MAL2: variants seen among roughly 807,000 people sequenced by gnomAD.
MAL2 encodes the protein protein MAL2.
MAL2 carries 17 observed loss-of-function variants against 18.1 expected under a neutral mutation model. The ratio of observed to expected loss-of-function variants is 0.94; its 90% CI spans 0.64 to 1.41. MAL2 has a LOEUF of 1.41. Among genes scored for constraint, MAL2 ranks in the 40% most tolerant of loss-of-function variants. The pLI is 0.00. For missense variants in MAL2, 222 were observed against 231.9 expected (o/e 0.96, Z 0.28); for synonymous variants, 102 against 102.3 (o/e 1.00, Z 0.02).
chr8:119,214,541 A>G (rs1458741606), intron 1 of MAL2, among the ~76,000 whole-genome samples: 1 of 152,198 alleles, frequency 6.6e-6, no homozygotes, highest in African/African-American at 2.4e-5. Context: ...ACTAAAAGTG[A>G]TAACTAGTTA....
intron 2 of MAL2, among the ~76,000 whole-genome samples, chr8:119,228,295 C>T (rs577508829): frequency 1.3e-5 from 2 of 152,202 alleles, no homozygotes; most frequent in South Asian, 2.1e-4. Context: ...TATCCTCTGT[C>T]CTTGTCCCTT....
chr8:119,217,272 A>G (rs192222630), intron 1 of MAL2, among the ~76,000 whole-genome samples: 147 of 152,348 alleles, frequency 9.6e-4, no homozygotes, highest in African/African-American at 3.1e-3. Flanking sequence ...CATGTGTTAA[A>G]CCAGAAAGAA....
intron 2 of MAL2, among the ~76,000 whole-genome samples, chr8:119,236,327 T>C (rs1817891612): frequency 6.7e-6 from 1 of 148,358 alleles, no homozygotes; most frequent in African/African-American, 2.6e-5. Context: ...AGACTTAGAC[T>C]CCCACACATT....
intron 1 of MAL2, among the ~76,000 whole-genome samples, chr8:119,210,731 G>A (rs1396338409): frequency 6.6e-6 from 1 of 152,034 alleles, no homozygotes; most frequent in Non-Finnish European, 1.5e-5. Flanking sequence ...ATTTCCTCTG[G>A]CTTCTTACAT....
At chr8:119,224,443 T>C (rs1332668843) in intron 2 of MAL2, 3 of 152,228 alleles carry the variant, frequency 2.0e-5, no homozygotes, top group South Asian at 2.1e-4. Flanking sequence ...AAAAATCCTA[T>C]GCAATTAAAC....
intron 1 of MAL2, among the ~76,000 whole-genome samples, chr8:119,215,824 G>T (rs934402447): frequency 5.9e-5 from 9 of 152,132 alleles, no homozygotes; most frequent in Middle Eastern, 3.2e-3. Context: ...GCAGCAGTAT[G>T]CCTTGTAGTG....
intron 3 of MAL2, 140 bp from the exon 4 acceptor site, chr8:119,243,277 A>AC (rs922596797): frequency 4.2e-5 from 24 of 569,764 alleles, no homozygotes; most frequent in Non-Finnish European, 7.0e-5. Flanking sequence ...AAAAAAAAAA[A>AC]AACAATGTAA....
chr8:119,232,607 T>C (rs1184092773), intron 2 of MAL2, among the ~76,000 whole-genome samples: 1 of 152,186 alleles, frequency 6.6e-6, no homozygotes, highest in African/African-American at 2.4e-5. Flanking sequence ...TAATGAAATA[T>C]ATGAATATAT....
chr8:119,231,234 G>C (rs1490941464), intron 2 of MAL2, among the ~76,000 whole-genome samples: 1 of 152,078 alleles, frequency 6.6e-6, no homozygotes, highest in Non-Finnish European at 1.5e-5. Context: ...GGGTTTCACT[G>C]TGTTAGCCAG....
chr8:119,231,492 T>C (rs1390779954), intron 2 of MAL2, among the ~76,000 whole-genome samples: 1 of 152,176 alleles, frequency 6.6e-6, no homozygotes, highest in Non-Finnish European at 1.5e-5. Context: ...TTGCACACTG[T>C]TGGTAGGAAT....
chr8:119,244,495 T>G lies in MAL2; in HGVS notation c.*1007T>G, dbSNP rs971139119. On this transcript the variant is annotated 3_prime_UTR_variant, in exon 4 of 4. Transcript: ENST00000614891. ...GGTATCTAGCTACTGATGTCTTACT[T>G]TGAGTTTATTTATGCTTCAGAATAC... 2 of 152,198 alleles carry G rather than the reference T, an allele frequency of 1.3e-5. No homozygotes were observed. The highest frequency in any genetic ancestry group is 6.5e-5 in the Admixed American group (1 of 15,270). The allele number at this position is 152,198 out of a possible 1,614,324, so 9.4% of individuals were successfully genotyped here. A position where few individuals can be genotyped will look rare whatever the true frequency, so the allele number is the denominator to read the frequency against.
chr8:119,231,027 T>A (rs1355060556), intron 2 of MAL2, among the ~76,000 whole-genome samples: 3 of 152,114 alleles, frequency 2.0e-5, no homozygotes, highest in African/African-American at 4.8e-5. Flanking sequence ...GAACAGTTTT[T>A]TTTTTTATTT....
chr8:119,228,420 C>CTAAGT (rs1343637136), intron 2 of MAL2, among the ~76,000 whole-genome samples: 1 of 152,142 alleles, frequency 6.6e-6, no homozygotes. Flanking sequence ...GCTTTTACCC[C>CTAAGT]TAAGTTTCCA....
At chr8:119,236,944 G>T (rs1208099836) in intron 2 of MAL2, among the ~76,000 whole-genome samples, 1 of 150,176 alleles carries the variant, frequency 6.7e-6, no homozygotes, top group Non-Finnish European at 1.5e-5. Context: ...ACTAAAATCA[G>T]AGCAGAACTG....
intron 2 of MAL2, among the ~76,000 whole-genome samples, chr8:119,230,075 G>A (rs926940235): frequency 1.3e-5 from 2 of 152,088 alleles, no homozygotes; most frequent in Non-Finnish European, 2.9e-5. Flanking sequence ...TGGATGCCTG[G>A]CCACTGGTGT....
intron 2 of MAL2, among the ~76,000 whole-genome samples, chr8:119,234,835 TAGATAAAACCACAAAGATGG>T (rs1563776395): frequency 6.6e-6 from 1 of 151,486 alleles, no homozygotes; most frequent in African/African-American, 2.4e-5. Context: ...AGACCAAAAG[TAGATAAAACCACAAAGATGG>T]GGAAAAAACA....
At chr8:119,240,124 A>T (rs759938888) in intron 2 of MAL2, 41 bp from the exon 3 acceptor site, 17 of 1,553,716 alleles carry the variant, frequency 1.1e-5, no homozygotes, top group Middle Eastern at 1.7e-4. Flanking sequence ...ACAGAAAAAT[A>T]TTTTTTTTTA....
rs1198924758 is a variant in MAL2 at position 119,236,103 on chromosome 8, A to G, written c.304-4062A>G. Among the ~76,000 whole-genome samples, 149 of 50,278 alleles carry G rather than the reference A, an allele frequency of 3.0e-3. 5 individuals carry two copies. The Admixed American group carries it at 0.033, about 11-fold the overall frequency. The allele number at this position is 50,278 out of a possible 152,430, so 33.0% of individuals were successfully genotyped here. A position where few individuals can be genotyped will look rare whatever the true frequency, so the allele number is the denominator to read the frequency against. On this transcript the variant is annotated intron_variant, in intron 2 of 3. Coordinates refer to ENST00000614891, the MANE Select transcript of MAL2 (RefSeq NM_052886.3). ...AAAATAAAAGGATGGAGGAAGATCT[A>G]CCAAGCAAATGGAAAACAAAAAAAG...
At position 119,225,533 on chromosome 8, in the gene MAL2, G is replaced by A. The variant is rs373553363; in HGVS notation, c.303+3776G>A. 1.6e-4 allele frequency among the ~76,000 whole-genome samples: 25 copies of A among 152,196 alleles called. No individual in the cohort carries two copies. In the South Asian group the frequency reaches 2.5e-3, roughly 15 times the overall value. On this transcript the variant is annotated intron_variant, in intron 2 of 3. Coordinates refer to ENST00000614891, the MANE Select transcript of MAL2 (RefSeq NM_052886.3). Reference sequence around the variant, plus strand: ...ATCCAGCCTCATTGTTGGACATTTCGGTTGGTTCCAAGTCTTTGCTATTGT... The same window carrying A: ...ATCCAGCCTCATTGTTGGACATTTCAGTTGGTTCCAAGTCTTTGCTATTGT...
Sources: allele counts gnomAD v4.1 joint callset (sites outside exome capture counted in the v4.1 genomes callset), GRCh38; gene constraint gnomAD v4.1.1; transcripts MANE v1.5; gene names NCBI Gene and HGNC (gene_info 2026-07-23, HGNC 2026-07-21).